Variants in IGSF21 observed in about 807,000 individuals in gnomAD.
IGSF21 encodes the protein immunoglobin superfamily member 21, also known as immunoglobulin superfamily member 21.
In IGSF21, 28 loss-of-function variants were observed where a neutral mutation model predicts 46.8. The ratio of observed to expected loss-of-function variants is 0.60; its 90% CI spans 0.44 to 0.82. The LOEUF is 0.82. Among genes scored for constraint, IGSF21 ranks in the 40% least tolerant of loss-of-function variants. IGSF21 has a pLI of 0.00. For synonymous variants in IGSF21, 284 were observed against 273.6 expected (o/e 1.04, Z -0.38); for missense variants, 624 against 665.5 (o/e 0.94, Z 0.69).
chr1:18,261,716 T>A (rs765847912), intron 2 of IGSF21, among the ~76,000 whole-genome samples: 2 of 152,206 alleles, frequency 1.3e-5, no homozygotes, highest in Admixed American at 6.5e-5. Flanking sequence ...ACTCTCACCA[T>A]CAGCGTCCAG....
chr1:18,191,474 G>A (rs887751286), intron 1 of IGSF21, among the ~76,000 whole-genome samples: 2 of 152,114 alleles, frequency 1.3e-5, no homozygotes, highest in African/African-American at 2.4e-5. Flanking sequence ...GAGATTATGT[G>A]AGGCTTTGCT....
chr1:18,372,636 G>GGATGGATGGATGGATT (rs2086237481), intron 6 of IGSF21, among the ~76,000 whole-genome samples: 1 of 151,088 alleles, frequency 6.6e-6, no homozygotes, highest in Non-Finnish European at 1.5e-5. Context: ...ATGGATAGAT[G>GGATGGATGGATGGATT]GATGGATGGA....
chr1:18,168,251 G>A (rs766123383), intron 1 of IGSF21, among the ~76,000 whole-genome samples: 8 of 152,078 alleles, frequency 5.3e-5, no homozygotes, highest in Non-Finnish European at 1.2e-4. Context: ...ACCCTTAAAC[G>A]CTGCCATTAA....
intron 1 of IGSF21, among the ~76,000 whole-genome samples, chr1:18,216,002 G>C (rs903450533): frequency 3.3e-5 from 5 of 152,182 alleles, no homozygotes; most frequent in African/African-American, 1.2e-4. Flanking sequence ...CCCTGGGCTT[G>C]AGCGCTAGTC....
chr1:18,169,408 C>T (rs180991022), intron 1 of IGSF21, among the ~76,000 whole-genome samples: 69 of 152,338 alleles, frequency 4.5e-4, no homozygotes, highest in Admixed American at 4.1e-3. Context: ...TTCCTCTAAC[C>T]CCCGTCTTGC....
intron 1 of IGSF21, among the ~76,000 whole-genome samples, chr1:18,121,848 T>C (rs1364727494): frequency 6.6e-6 from 1 of 152,226 alleles, no homozygotes; most frequent in Non-Finnish European, 1.5e-5. Flanking sequence ...ACCCAGCCCC[T>C]GTTCCATGTA....
chr1:18,309,696 C>A (rs2085463206), intron 3 of IGSF21, among the ~76,000 whole-genome samples: 1 of 152,204 alleles, frequency 6.6e-6, no homozygotes, highest in Non-Finnish European at 1.5e-5. Context: ...GGCCGGCCTC[C>A]TTTTGCCTCT....
chr1:18,171,528 C>T (rs563353280), intron 1 of IGSF21, among the ~76,000 whole-genome samples: 7 of 152,288 alleles, frequency 4.6e-5, no homozygotes, highest in East Asian at 1.9e-4. Flanking sequence ...AGAAAGTTTT[C>T]GTTCTGGCTC....
At chr1:18,261,154 C>G (rs2084943129) in intron 2 of IGSF21, among the ~76,000 whole-genome samples, 1 of 152,238 alleles carries the variant, frequency 6.6e-6, no homozygotes. Flanking sequence ...GGCCAAGCAT[C>G]TCTGGCTGCA....
chr1:18,243,645 C>T (rs756371940), intron 2 of IGSF21, among the ~76,000 whole-genome samples: 6 of 152,176 alleles, frequency 3.9e-5, no homozygotes, highest in Admixed American at 2.0e-4. Flanking sequence ...CCGGGAGGCA[C>T]CACCCGGTCT....
At chr1:18,183,437 T>G (rs1453189754) in intron 1 of IGSF21, among the ~76,000 whole-genome samples, 1 of 152,204 alleles carries the variant, frequency 6.6e-6, no homozygotes, top group Non-Finnish European at 1.5e-5. Flanking sequence ...ATATGGCAGC[T>G]GAAATAATAT....
At chr1:18,174,496 T>C (rs1010867762) in intron 1 of IGSF21, among the ~76,000 whole-genome samples, 2 of 152,184 alleles carry the variant, frequency 1.3e-5, no homozygotes, top group African/African-American at 4.8e-5. Flanking sequence ...CCCATGTCCC[T>C]GGTTAGACAA....
At chr1:18,184,282 A>T (rs1248897832) in intron 1 of IGSF21, among the ~76,000 whole-genome samples, 1 of 152,056 alleles carries the variant, frequency 6.6e-6, no homozygotes, top group Non-Finnish European at 1.5e-5. Flanking sequence ...CCTCTTTGTT[A>T]TCCTTTCTGG....
intron 1 of IGSF21, among the ~76,000 whole-genome samples, chr1:18,130,115 C>G (rs183737275): frequency 1.2e-3 from 178 of 152,308 alleles, no homozygotes; most frequent in African/African-American, 4.0e-3. Context: ...TTGGTCCTAC[C>G]TCTGAGTGAC....
intron 2 of IGSF21, among the ~76,000 whole-genome samples, chr1:18,237,655 C>T (rs2124514975): frequency 6.6e-6 from 1 of 152,316 alleles, no homozygotes; most frequent in African/African-American, 2.4e-5. Context: ...GCTGTGTTCT[C>T]TCAGCGTTTT....
intron 2 of IGSF21, among the ~76,000 whole-genome samples, chr1:18,231,192 G>T (rs1389094578): frequency 1.3e-5 from 2 of 152,344 alleles, no homozygotes; most frequent in Admixed American, 1.3e-4. Context: ...GTCAAGCCCA[G>T]CAGCCTCCCC....
chr1:18,155,803 G>A (rs1166680167), intron 1 of IGSF21, among the ~76,000 whole-genome samples: 1 of 152,216 alleles, frequency 6.6e-6, no homozygotes, highest in Admixed American at 6.5e-5. Context: ...GACAAAGGCT[G>A]GGCCTTCCAG....
chr1:18,283,185 C>T (rs1173748120), intron 2 of IGSF21, among the ~76,000 whole-genome samples: 1 of 152,182 alleles, frequency 6.6e-6, no homozygotes, highest in African/African-American at 2.4e-5. Flanking sequence ...TGTCTGCCAT[C>T]GCACGGTAAC....
intron 2 of IGSF21, among the ~76,000 whole-genome samples, chr1:18,242,002 A>T (rs2084734215): frequency 6.6e-6 from 1 of 152,120 alleles, no homozygotes; most frequent in Admixed American, 6.6e-5. Context: ...GGAGAGATGG[A>T]GATGGCCTGG....
Sources: allele counts gnomAD v4.1 joint callset (sites outside exome capture counted in the v4.1 genomes callset), GRCh38; gene constraint gnomAD v4.1.1; transcripts MANE v1.5; gene names NCBI Gene and HGNC (gene_info 2026-07-23, HGNC 2026-07-21).